BRD9: variants seen among roughly 807,000 people sequenced by gnomAD.
BRD9 encodes the protein bromodomain-containing protein 9.
A neutral mutation model predicts 68.7 loss-of-function variants in BRD9; 47 were observed. The ratio of observed to expected loss-of-function variants is 0.68; its 90% CI spans 0.54 to 0.87. The LOEUF is 0.87. BRD9 is among the 40% of genes least tolerant of loss of function. The pLI, the probability that BRD9 is intolerant of heterozygous loss-of-function variation, is 0.00. For synonymous variants in BRD9, 313 were observed against 293.9 expected, an observed-to-expected ratio of 1.06 and a Z score of -0.67; for missense variants, 670 against 748.4, an observed-to-expected ratio of 0.90 and a Z score of 1.22.
In BRD9 at chr5:883,953, G is replaced by A; in HGVS notation, c.951C>T (p.Phe317=). 3 of 1,612,538 alleles carry A rather than the reference G, an allele frequency of 1.9e-6. No individual in the cohort carries two copies. In the South Asian group the frequency reaches 3.3e-5, roughly 18 times the overall value. The change falls in exon 8 of 16, where the codon TTC becomes TTT. Residue 317 remains phenylalanine (F), a synonymous_variant. Transcript: ENST00000467963. Reference sequence around the variant, plus strand: ...AGAGCACTACCTTGCCGCCTGGGAGGAACCGGTTGATCCTGTCCCGAGCTT... The same window carrying A: ...AGAGCACTACCTTGCCGCCTGGGAGAAACCGGTTGATCCTGTCCCGAGCTT... ...ADEARDRINR[F]LPGGKMGYLK... is the part of the protein sequence containing the mutation.
Position 871,823 on chromosome 5 carries a change from C to T in BRD9, c.1384-259G>A, listed in dbSNP as rs78101854. Among the ~76,000 whole-genome samples the T allele has an allele frequency of 7.0e-3, 1,059 of 152,320 alleles. 6 individuals carry two copies. The highest frequency in any genetic ancestry group is 8.6e-3 in the Non-Finnish European group (587 of 68,026). The stretch of plus-strand genomic sequence containing the variant: ...CAGCGCTCCACAGGGCGAGATGGAG[C>T]GGACAGAGAGAGGACGCCGATGCTG... On this transcript the variant is annotated intron_variant, in intron 12 of 15. Transcript: ENST00000467963.
intron 6 of BRD9, 79 bp downstream of exon 6, chr5:887,282 T>G (rs1752709893): frequency 8.1e-7 from 1 of 1,238,490 alleles, no homozygotes; most frequent in African/African-American, 1.5e-5. Context: ...GTGTTCACTG[T>G]GAGGCTCCCT....
At chr5:871,182 C>T (rs1750078661) in intron 13 of BRD9, among the ~76,000 whole-genome samples, 3 of 152,326 alleles carry the variant, frequency 2.0e-5, no homozygotes, top group South Asian at 4.1e-4. Context: ...CAGCACTGGC[C>T]CCAGAGCCCA....
Position 864,430 on chromosome 5 carries a change from T to C in BRD9, c.*38A>G. The C allele has an allele frequency of 6.6e-7, 1 of 1,511,852 alleles. No individual in the cohort carries two copies. The highest frequency in any genetic ancestry group is 1.2e-5 in the South Asian group (1 of 82,966). The allele number at this position is 1,511,852 out of a possible 1,614,324, so 93.7% of individuals were successfully genotyped here. A position where few individuals can be genotyped will look rare whatever the true frequency, so the allele number is the denominator to read the frequency against. On this transcript the variant is annotated 3_prime_UTR_variant, in exon 16 of 16. Transcript: ENST00000467963. Reference sequence around the variant, plus strand: ...AAACTCTACACGTGCAAAATAAAACTAAAAAAATAAAATAAAAGAGCTGAA... The same window carrying C: ...AAACTCTACACGTGCAAAATAAAACCAAAAAAATAAAATAAAAGAGCTGAA...
At chr5:882,886 A>G (rs1751990110) in intron 8 of BRD9, 1 of 222,436 alleles carries the variant, frequency 4.5e-6, no homozygotes, top group Non-Finnish European at 9.0e-6. Flanking sequence ...CACACAAACC[A>G]CAACCTCCCA....
chr5:870,487 A>G lies in BRD9; in HGVS notation c.1511T>C (p.Met504Thr), dbSNP rs776992414. ...TTACAACTCACCCAGAGAGCTGAGC[A>G]TGGAGATATCCACAGAAACGTCGGG... ...SYPDVSVDIS[M>T]LSSLGKVKKE... The change falls in exon 14 of 16, where the codon ATG (methionine) becomes ACG (threonine). Residue 504 changes from methionine (M) to threonine (T), a missense_variant. Met to Thr is a moderately conservative substitution (Grantham distance 81, BLOSUM62 -1). Coordinates refer to ENST00000467963, the MANE Select transcript of BRD9 (RefSeq NM_023924.5). 3.1e-6 allele frequency: 5 copies of G among 1,613,648 alleles called. No homozygotes were observed. The Admixed American group carries it at 5.0e-5, about 16-fold the overall frequency.
intron 9 of BRD9, among the ~76,000 whole-genome samples, chr5:880,619 C>A (rs1751595919): frequency 6.6e-6 from 1 of 152,200 alleles, no homozygotes; most frequent in Non-Finnish European, 1.5e-5. Flanking sequence ...AAAGGACAAG[C>A]CTCTTAATTA....
Position 881,481 on chromosome 5 carries a change from GGAACGGTCA to G in BRD9, c.967-308_967-300del, listed in dbSNP as rs1378156442. 16 of 457,918 alleles carry G rather than the reference GGAACGGTCA, an allele frequency of 3.5e-5. No individual in the cohort carries two copies. The East Asian group carries it at 5.5e-4, about 16-fold the overall frequency. 28.4% of individuals were successfully genotyped at this position (457,918 alleles called of 1,614,324 possible). ...AATTGCTCATGAGCCTTGACAAAATGGAACGGTCAGCAGGTCAGCATGGCACTGCCCTGA... is the reference window on the plus strand; with the variant it reads ...AATTGCTCATGAGCCTTGACAAAATGGCAGGTCAGCATGGCACTGCCCTGA... On this transcript the variant is annotated intron_variant, in intron 8 of 15. Transcript: ENST00000467963.
At chr5:890,133 G>A (rs147926313) in intron 3 of BRD9, 1 of 275,126 alleles carries the variant, frequency 3.6e-6, no homozygotes, top group East Asian at 9.1e-5. Flanking sequence ...GGTTATCTGA[G>A]CCCAGGAGTG....
intron 12 of BRD9, among the ~76,000 whole-genome samples, chr5:872,710 G>A (rs1750329690): frequency 6.6e-6 from 1 of 152,168 alleles, no homozygotes; most frequent in Non-Finnish European, 1.5e-5. Context: ...TCCAAGCATG[G>A]AAATCAAGGA....
At chr5:868,243 C>T (rs145256367) in intron 14 of BRD9, among the ~76,000 whole-genome samples, 40 of 152,348 alleles carry the variant, frequency 2.6e-4, no homozygotes, top group African/African-American at 8.9e-4. Context: ...CCCAAACAGC[C>T]TGAGGAACTG....
chr5:886,240 G>A (rs762547590), intron 7 of BRD9, among the ~76,000 whole-genome samples: 11 of 152,266 alleles, frequency 7.2e-5, no homozygotes, highest in Non-Finnish European at 1.3e-4. Flanking sequence ...CCGCTTGTGC[G>A]GCACAGTCTG....
At chr5:870,048 G>C (rs908891591) in intron 14 of BRD9, among the ~76,000 whole-genome samples, 7 of 152,230 alleles carry the variant, frequency 4.6e-5, no homozygotes, top group Non-Finnish European at 7.3e-5. Flanking sequence ...GTCACCCAGG[G>C]TACGGATGGG....
rs1170658284 is a variant in BRD9 at position 870,529 on chromosome 5, A to C, written c.1469T>G (p.Met490Arg). ...GDSSSSVLEF[M>R]SMKSYPDVSV... ...AACGTCGGGATAGGACTTCATCGACATGAACTCCAGAACAGAGCTGCTGCT... is the reference window on the plus strand; with the variant it reads ...AACGTCGGGATAGGACTTCATCGACCTGAACTCCAGAACAGAGCTGCTGCT... The change falls in exon 14 of 16, where the codon ATG becomes AGG. Residue 490 changes from methionine to arginine, a missense_variant. Met to Arg is a moderately conservative substitution (Grantham distance 91, BLOSUM62 -1). Coordinates refer to ENST00000467963, the MANE Select transcript of BRD9 (RefSeq NM_023924.5). The C allele has an allele frequency of 1.9e-6, 3 of 1,614,142 alleles. No individual in the cohort carries two copies. The highest frequency in any genetic ancestry group is 2.5e-6 in the Non-Finnish European group (3 of 1,180,066).
chr5:871,964 A>G (rs1750198763), intron 12 of BRD9, among the ~76,000 whole-genome samples: 3 of 152,266 alleles, frequency 2.0e-5, no homozygotes, highest in Admixed American at 2.0e-4. Context: ...CAGTTGCCTG[A>G]GACCAGCTCG....
intron 12 of BRD9, among the ~76,000 whole-genome samples, chr5:874,280 C>T (rs922193097): frequency 4.6e-5 from 7 of 152,320 alleles, no homozygotes; most frequent in African/African-American, 1.7e-4. Flanking sequence ...CTAGCTGCCA[C>T]ATTAAAATTA....
chr5:883,770 G>T, intron 8 of BRD9, 168 bp downstream of exon 8: 1 of 977,458 alleles, frequency 1.0e-6, no homozygotes, highest in Non-Finnish European at 1.5e-6. Context: ...GACCCCGACT[G>T]AAGAGACCAG....
intron 1 of BRD9, chr5:892,123 C>A: frequency 1.9e-6 from 1 of 518,894 alleles, no homozygotes; most frequent in Non-Finnish European, 3.4e-6. Context: ...ATTACTCGTT[C>A]AAGAAGATGG....
chr5:888,873 T>C (rs1752943548), intron 5 of BRD9, 148 bp downstream of exon 5: 1 of 812,306 alleles, frequency 1.2e-6, no homozygotes, highest in East Asian at 2.9e-5. Flanking sequence ...ATCATTTCCT[T>C]AATGCTGTGT....
Sources: allele counts gnomAD v4.1 joint callset (sites outside exome capture counted in the v4.1 genomes callset), GRCh38; gene constraint gnomAD v4.1.1; transcripts MANE v1.5; gene names NCBI Gene and HGNC (gene_info 2026-07-23, HGNC 2026-07-21).